The following TTC29 variants were observed in gnomAD, a reference collection of about 807,000 sequenced individuals.
The protein encoded by TTC29 is tetratricopeptide repeat domain 29, also known as tetratricopeptide repeat protein 29.
TTC29 carries 49 observed loss-of-function variants against 58.1 expected under a neutral mutation model. The observed-to-expected ratio is 0.84, with a 90% CI of 0.67 to 1.07. The LOEUF is 1.07. TTC29 is among the 50% of genes least tolerant of loss of function. TTC29 has a pLI of 0.00. For missense variants in TTC29, 582 were observed against 555.6 expected (o/e 1.05, Z -0.48); for synonymous variants, 209 against 196.8 (o/e 1.06, Z -0.52).
intron 8 of TTC29, among the ~76,000 whole-genome samples, chr4:146,854,478 C>A (rs528395818): frequency 6.6e-6 from 1 of 152,292 alleles, no homozygotes; most frequent in South Asian, 2.1e-4. Flanking sequence ...GTTAGCCACA[C>A]TCCCTAGAGC....
chr4:146,837,416 A>T (rs1354433498), intron 8 of TTC29, among the ~76,000 whole-genome samples: 3 of 152,068 alleles, frequency 2.0e-5, no homozygotes, highest in Non-Finnish European at 4.4e-5. Context: ...TACCCAGGTG[A>T]TGAAATAATC....
chr4:146,831,638 T>G (rs1728169469), intron 9 of TTC29: 1 of 400,502 alleles, frequency 2.5e-6, no homozygotes. Flanking sequence ...AACATCAGAT[T>G]ACCTGGTAGT....
At chr4:146,830,594 G>C (rs1325943230) in intron 9 of TTC29, among the ~76,000 whole-genome samples, 1 of 152,142 alleles carries the variant, frequency 6.6e-6, no homozygotes, top group Admixed American at 6.6e-5. Flanking sequence ...CACAGGTTAG[G>C]AAAAAGAGAT....
chr4:146,893,422 C>G (rs1056114317), intron 6 of TTC29, among the ~76,000 whole-genome samples: 4 of 152,076 alleles, frequency 2.6e-5, no homozygotes, highest in African/African-American at 9.7e-5. Flanking sequence ...GAAAAACAAG[C>G]AATGGGGAAA....
At chr4:146,803,418 G>T (rs1750370764) in intron 11 of TTC29, 39 bp downstream of exon 11, 2 of 1,323,184 alleles carry the variant, frequency 1.5e-6, no homozygotes, top group Non-Finnish European at 2.1e-6. Context: ...CATTGAGAAT[G>T]ATATGAAAAC....
chr4:146,852,549 G>A (rs758051859), intron 8 of TTC29, among the ~76,000 whole-genome samples: 10 of 152,182 alleles, frequency 6.6e-5, no homozygotes, highest in Non-Finnish European at 1.3e-4. Context: ...ACTCCAGCCT[G>A]GCTGCATGCA....
At chr4:146,805,133 A>G (rs1750511723) in intron 10 of TTC29, among the ~76,000 whole-genome samples, 1 of 152,194 alleles carries the variant, frequency 6.6e-6, no homozygotes, top group African/African-American at 2.4e-5. Flanking sequence ...GCAGCCCTGC[A>G]GGAGAGGGGC....
At chr4:146,753,056 C>A (rs1287222924) in intron 11 of TTC29, among the ~76,000 whole-genome samples, 2 of 152,158 alleles carry the variant, frequency 1.3e-5, no homozygotes, top group Admixed American at 6.5e-5. Flanking sequence ...CAAATGGGAT[C>A]TAATTAAACT....
intron 11 of TTC29, among the ~76,000 whole-genome samples, chr4:146,752,582 C>G (rs1423270408): frequency 2.0e-5 from 3 of 151,632 alleles, no homozygotes; most frequent in African/African-American, 7.3e-5. Context: ...AAAAAAGAGC[C>G]CACATTGCCA....
Position 146,844,455 on chromosome 4 carries a change from T to G in TTC29, c.886-10558A>C, listed in dbSNP as rs536547431. Among the ~76,000 whole-genome samples the G allele has an allele frequency of 2.6e-5, 4 of 152,328 alleles. 1 individual carries two copies. In the South Asian group the frequency reaches 8.3e-4, roughly 32 times the overall value. ...ACTATAAATAAAAAAATGTGGAATA[T>G]TTATCCTGTACAGTCCAATCACAGT... On this transcript the variant is annotated intron_variant, in intron 8 of 12. Transcript: ENST00000325106.
intron 10 of TTC29, among the ~76,000 whole-genome samples, chr4:146,804,559 C>G (rs527877524): frequency 3.9e-4 from 60 of 152,166 alleles, no homozygotes; most frequent in Admixed American, 1.6e-3. Context: ...GGAGGGGGGC[C>G]CACCATTATG....
chr4:146,930,683 T>A (rs1216805239), intron 4 of TTC29, among the ~76,000 whole-genome samples: 1 of 152,202 alleles, frequency 6.6e-6, no homozygotes, highest in Non-Finnish European at 1.5e-5. Context: ...ATCTTCCCTG[T>A]TTTCTTAATA....
intron 7 of TTC29, among the ~76,000 whole-genome samples, chr4:146,869,901 A>T (rs549123895): frequency 4.6e-5 from 7 of 152,288 alleles, no homozygotes; most frequent in African/African-American, 1.7e-4. Flanking sequence ...GATTAAAAAC[A>T]ACCAAAAAGA....
At chr4:146,737,361 G>A (rs1359875513) in intron 11 of TTC29, among the ~76,000 whole-genome samples, 1 of 152,116 alleles carries the variant, frequency 6.6e-6, no homozygotes, top group Non-Finnish European at 1.5e-5. Flanking sequence ...GTGTTTCCCT[G>A]AGGTGGTCAC....
At chr4:146,801,341 C>A (rs1750202859) in intron 11 of TTC29, among the ~76,000 whole-genome samples, 1 of 152,056 alleles carries the variant, frequency 6.6e-6, no homozygotes, top group African/African-American at 2.4e-5. Context: ...AAGGGCTACC[C>A]CTGAAAATGT....
At chr4:146,890,939 T>A (rs1011341886) in intron 6 of TTC29, among the ~76,000 whole-genome samples, 1 of 152,086 alleles carries the variant, frequency 6.6e-6, no homozygotes, top group African/African-American at 2.4e-5. Context: ...GGGGGAGCTA[T>A]TGGAAGAGAC....
At position 146,732,969 on chromosome 4, in the gene TTC29, G is replaced by A. The variant is rs116352680; in HGVS notation, c.1331-25418C>T. 1.2e-3 allele frequency among the ~76,000 whole-genome samples: 182 copies of A among 152,262 alleles called. 1 individual carries two copies. Among genetic ancestry groups the A allele is most frequent in the African/African-American group, 4.1e-3 (171 of 41,554 alleles). ...CACTTGAGAGTACTGTAGAGGAAAC[G>A]GCATCCTTGGGGGACAACCAGGCTT... On this transcript the variant is annotated intron_variant, in intron 11 of 12. Coordinates refer to ENST00000325106, the MANE Select transcript of TTC29 (RefSeq NM_031956.4).
chr4:146,922,459 T>G, intron 4 of TTC29, among the ~76,000 whole-genome samples: 1 of 151,760 alleles, frequency 6.6e-6, no homozygotes, highest in Admixed American at 6.6e-5. Context: ...TCACTAAACA[T>G]AGTAGCACGA....
chr4:146,892,190 T>G (rs1313792094), intron 6 of TTC29, among the ~76,000 whole-genome samples: 1 of 152,060 alleles, frequency 6.6e-6, no homozygotes, highest in Non-Finnish European at 1.5e-5. Flanking sequence ...TGTGTAGCAG[T>G]TCCCCCTTAA....
Sources: allele counts gnomAD v4.1 joint callset (sites outside exome capture counted in the v4.1 genomes callset), GRCh38; gene constraint gnomAD v4.1.1; transcripts MANE v1.5; gene names NCBI Gene and HGNC (gene_info 2026-07-23, HGNC 2026-07-21).